The following CUBN variants were observed in gnomAD, a reference collection of about 807,000 sequenced individuals.
CUBN encodes the protein cubilin, also known as 460 kDa receptor.
In CUBN, 282 loss-of-function variants were observed where a neutral mutation model predicts 405.3. That is an observed-to-expected ratio of 0.70 (90% CI 0.63 to 0.77). The LOEUF (loss-of-function observed/expected upper bound fraction) is 0.77, where lower values mean the gene tolerates loss of function less well. Among genes scored for constraint, CUBN ranks in the 30% least tolerant of loss-of-function variants. The pLI, the probability that CUBN is intolerant of heterozygous loss-of-function variation, is 0.00. For missense variants in CUBN, 4,514 were observed against 4,475.2 expected, an observed-to-expected ratio of 1.01 and a Z score of -0.25; for synonymous variants, 1,684 against 1,617.0, an observed-to-expected ratio of 1.04 and a Z score of -0.99.
intron 29 of CUBN, among the ~76,000 whole-genome samples, chr10:16,989,644 A>G (rs1436890280): frequency 6.6e-6 from 1 of 151,902 alleles, no homozygotes; most frequent in African/African-American, 2.4e-5. Flanking sequence ...AACATTGATT[A>G]TAATAAACTT....
intron 66 of CUBN, among the ~76,000 whole-genome samples, chr10:16,827,816 G>A (rs1470520728): frequency 1.3e-5 from 2 of 152,230 alleles, no homozygotes; most frequent in Non-Finnish European, 2.9e-5. Flanking sequence ...GGCCAGTCTA[G>A]TCTCAAACTT....
intron 17 of CUBN, 108 bp downstream of exon 17, chr10:17,084,163 A>G (rs1588631477): frequency 9.5e-7 from 1 of 1,052,984 alleles, no homozygotes; most frequent in East Asian, 2.4e-5. Context: ...ACAAGCTCTC[A>G]GGTATTCTGG....
intron 55 of CUBN, among the ~76,000 whole-genome samples, chr10:16,889,316 T>C (rs1564404973): frequency 6.6e-6 from 1 of 152,122 alleles, no homozygotes. Context: ...TTTCCAGCAC[T>C]CTCTGATTCA....
intron 27 of CUBN, among the ~76,000 whole-genome samples, chr10:17,026,028 C>T (rs72775007): frequency 0.047 from 7,183 of 152,222 alleles, 366 homozygotes; most frequent in African/African-American, 0.13. Context: ...TGAGCAGCAT[C>T]TCTTCCTGTT....
chr10:16,848,809 C>T (rs970317796), intron 60 of CUBN, among the ~76,000 whole-genome samples: 9 of 145,806 alleles, frequency 6.2e-5, no homozygotes, highest in African/African-American at 2.3e-4. Context: ...TCAGGGGATC[C>T]TTCCACCTCA....
chr10:16,898,437 G>A (rs1841257707), intron 54 of CUBN, among the ~76,000 whole-genome samples: 2 of 152,142 alleles, frequency 1.3e-5, no homozygotes, highest in South Asian at 4.1e-4. Context: ...AAGGCACAGT[G>A]GAAATAAGGC....
At chr10:17,036,048 C>A (rs1027070578) in intron 27 of CUBN, among the ~76,000 whole-genome samples, 2 of 151,986 alleles carry the variant, frequency 1.3e-5, no homozygotes, top group Admixed American at 1.3e-4. Context: ...AGCATTCCAG[C>A]GGAATCTATG....
intron 39 of CUBN, among the ~76,000 whole-genome samples, chr10:16,935,661 T>C (rs1842479435): frequency 2.0e-5 from 3 of 151,902 alleles, no homozygotes; most frequent in African/African-American, 7.3e-5. Context: ...GGGCAGATCA[T>C]GAGGTCAGGA....
chr10:17,127,810 A>G lies in CUBN; in HGVS notation c.348+19T>C, dbSNP rs2131329842. 6.3e-7 allele frequency: 1 copy of G among 1,575,438 alleles called. No individual in the cohort carries two copies. The highest frequency in any genetic ancestry group is 1.1e-5 in the South Asian group (1 of 90,182). ...TAGGGAGAACTCATCGGTTCTTATG[A>G]CGTAGATGTCAGACTTACCTTGGAA... On this transcript the variant is annotated intron_variant, in intron 3 of 66. Coordinates refer to ENST00000377833, the MANE Select transcript of CUBN (RefSeq NM_001081.4).
At chr10:16,937,320 G>A (rs1483535744) in intron 39 of CUBN, among the ~76,000 whole-genome samples, 3 of 152,140 alleles carry the variant, frequency 2.0e-5, no homozygotes, top group Non-Finnish European at 4.4e-5. Flanking sequence ...GATTTCTAAA[G>A]TGGTCTCTAG....
intron 29 of CUBN, among the ~76,000 whole-genome samples, chr10:16,986,881 C>T (rs1235540029): frequency 2.0e-5 from 3 of 152,188 alleles, no homozygotes; most frequent in Admixed American, 6.5e-5. Context: ...AAAGAAAACT[C>T]GCACGTCGGC....
chr10:17,065,772 A>C, intron 21 of CUBN, 134 bp from the exon 22 acceptor site: 1 of 1,054,780 alleles, frequency 9.5e-7, no homozygotes, highest in Non-Finnish European at 1.4e-6. Flanking sequence ...AAACACAAAT[A>C]TATTTCAGGC....
intron 36 of CUBN, among the ~76,000 whole-genome samples, chr10:16,942,661 G>A (rs911351618): frequency 1.3e-5 from 2 of 152,106 alleles, no homozygotes; most frequent in Non-Finnish European, 2.9e-5. Flanking sequence ...CTATAAAAAA[G>A]TTTGGTGGTT....
At chr10:17,034,145 A>G (rs1834839879) in intron 27 of CUBN, among the ~76,000 whole-genome samples, 1 of 152,168 alleles carries the variant, frequency 6.6e-6, no homozygotes, top group South Asian at 2.1e-4. Context: ...AGTCCCCCAC[A>G]CTATCACGAG....
intron 59 of CUBN, among the ~76,000 whole-genome samples, chr10:16,855,650 T>G (rs1251637510): frequency 6.6e-6 from 1 of 152,148 alleles, no homozygotes. Flanking sequence ...TTTTGGATGG[T>G]TTGTTAAGTA....
intron 28 of CUBN, among the ~76,000 whole-genome samples, chr10:17,012,915 A>G (rs1429450767): frequency 1.3e-5 from 2 of 152,020 alleles, no homozygotes; most frequent in Non-Finnish European, 2.9e-5. Flanking sequence ...GTCTGGTGGG[A>G]CCTTTGTATG....
intron 30 of CUBN, among the ~76,000 whole-genome samples, chr10:16,983,896 C>T (rs1305360345): frequency 6.6e-6 from 1 of 152,216 alleles, no homozygotes; most frequent in Non-Finnish European, 1.5e-5. Flanking sequence ...TACACACTTA[C>T]ATTCTTGCTT....
At chr10:17,062,057 G>A (rs986960878) in intron 22 of CUBN, among the ~76,000 whole-genome samples, 3 of 152,068 alleles carry the variant, frequency 2.0e-5, no homozygotes, top group Admixed American at 6.6e-5. Context: ...ATACATTTAC[G>A]TTAGCCACCC....
At chr10:17,024,318 C>G (rs959994941) in intron 27 of CUBN, among the ~76,000 whole-genome samples, 3 of 152,146 alleles carry the variant, frequency 2.0e-5, no homozygotes, top group African/African-American at 4.8e-5. Flanking sequence ...CCAGACACCC[C>G]ACCTGTCCCC....
Sources: allele counts gnomAD v4.1 joint callset (sites outside exome capture counted in the v4.1 genomes callset), GRCh38; gene constraint gnomAD v4.1.1; transcripts MANE v1.5; gene names NCBI Gene and HGNC (gene_info 2026-07-23, HGNC 2026-07-21).